Variants in DUSP16 observed in about 807,000 individuals in gnomAD.
DUSP16 encodes dual specificity protein phosphatase 16.
A neutral mutation model predicts 58.3 loss-of-function variants in DUSP16; 21 were observed. The ratio of observed to expected loss-of-function variants is 0.36; its 90% CI spans 0.26 to 0.52. The LOEUF is 0.52. Among genes scored for constraint, DUSP16 ranks in the 20% least tolerant of loss-of-function variants. The pLI is 0.94. For missense variants in DUSP16, 726 were observed against 819.0 expected, an observed-to-expected ratio of 0.89 and a Z score of 1.39; for synonymous variants, 320 against 323.8, an observed-to-expected ratio of 0.99 and a Z score of 0.12.
At chr12:12,506,052 A>C (rs149327622) in intron 3 of DUSP16, 1 of 152,214 alleles carries the variant, frequency 6.6e-6, no homozygotes, top group Admixed American at 6.5e-5. Context: ...CTCTGCTGAC[A>C]TCCTCCTTCA....
At chr12:12,515,375 T>C (rs1223973568) in intron 3 of DUSP16, among the ~76,000 whole-genome samples, 2 of 151,592 alleles carry the variant, frequency 1.3e-5, no homozygotes, top group Non-Finnish European at 2.9e-5. Context: ...TTGCCCAGGC[T>C]GAAGTGCAAT....
In DUSP16 at chr12:12,521,320, A is replaced by C. The variant is rs1944233304; in HGVS notation, c.-222T>G. 7.1e-7 allele frequency: 1 copy of C among 1,411,720 alleles called. No homozygotes were observed. 87.4% of individuals were successfully genotyped at this position (1,411,720 alleles called of 1,614,324 possible). A position where few individuals can be genotyped will look rare whatever the true frequency, so the allele number is the denominator to read the frequency against. On this transcript the variant is annotated 5_prime_UTR_variant, in exon 2 of 7. Transcript: ENST00000298573. ...TGTGCTCTTGCAAAGGACTCCGTCC[A>C]CAAAGCAGCCCCTCACATTTGATTC...
At chr12:12,485,485 A>G (rs1256593632) in intron 5 of DUSP16, 1 of 152,156 alleles carries the variant, frequency 6.6e-6, no homozygotes, top group Non-Finnish European at 1.5e-5. Context: ...ACAGGTGAAA[A>G]TTATAATATG....
At chr12:12,487,214 A>C in intron 4 of DUSP16, 27 bp from the exon 5 acceptor site, 1 of 1,608,810 alleles carries the variant, frequency 6.2e-7, no homozygotes, top group East Asian at 2.2e-5. Context: ...TAGCAGTTAA[A>C]GTGACTAATA....
At chr12:12,535,351 A>T (rs868020253) in intron 1 of DUSP16, among the ~76,000 whole-genome samples, 25 of 152,016 alleles carry the variant, frequency 1.6e-4, no homozygotes, top group Admixed American at 5.2e-4. Flanking sequence ...GGGGAAAAAA[A>T]TTTTTTTTTA....
chr12:12,509,365 T>C (rs1592183383), intron 3 of DUSP16, among the ~76,000 whole-genome samples: 1 of 108,530 alleles, frequency 9.2e-6, no homozygotes, highest in Admixed American at 9.1e-5. Flanking sequence ...GGTCCCAAAA[T>C]TTTTTTACCA....
chr12:12,503,571 A>G (rs923792531), intron 3 of DUSP16, among the ~76,000 whole-genome samples: 1 of 152,032 alleles, frequency 6.6e-6, no homozygotes, highest in African/African-American at 2.4e-5. Flanking sequence ...CTGTTTAGCT[A>G]CACCTCCTTA....
At chr12:12,484,323 G>A (rs78886861) in intron 5 of DUSP16, among the ~76,000 whole-genome samples, 9,693 of 152,168 alleles carry the variant, frequency 0.064, 438 homozygotes, top group East Asian at 0.18. Context: ...TATGTATTTT[G>A]TGTGTATGTG....
At position 12,477,150 on chromosome 12, in the gene DUSP16, T is replaced by C. The variant is rs1329625499; in HGVS notation, c.1681A>G (p.Thr561Ala). Residue 561 changes from threonine (T) to alanine (A), a missense_variant, in exon 7 of 7, where the codon ACA becomes GCA. Thr to Ala is a moderately conservative substitution (Grantham distance 58). Transcript: ENST00000298573. The surrounding 1 kb of genome is among the most constrained non-coding windows in gnomAD (Gnocchi z 4.1). ...GCAGAGTAGAAGTGTGAGGACTCTG[T>C]GGCAAAATACCAGCTGCTGGTCAGG... ...PSLTSSWYFA[T>A]ESSHFYSASA... The C allele has an allele frequency of 6.2e-7, 1 of 1,614,104 alleles. No homozygotes were observed. Among genetic ancestry groups the C allele is most frequent in the East Asian group, 2.2e-5 (1 of 44,874 alleles).
At chr12:12,525,731 T>TACACACACACACACAC (rs35552389) in intron 1 of DUSP16, among the ~76,000 whole-genome samples, 21 of 146,194 alleles carry the variant, frequency 1.4e-4, no homozygotes, top group African/African-American at 2.0e-4. Flanking sequence ...AATATATGTA[T>TACACACACACACACAC]ACACACACAC....
At chr12:12,530,641 G>C (rs868486132) in intron 1 of DUSP16, among the ~76,000 whole-genome samples, 1 of 152,094 alleles carries the variant, frequency 6.6e-6, no homozygotes, top group Non-Finnish European at 1.5e-5. Context: ...AAACTACAAA[G>C]AGAGAAACTG....
intron 1 of DUSP16, among the ~76,000 whole-genome samples, chr12:12,547,434 C>T (rs375023185): frequency 3.2e-5 from 2 of 61,756 alleles, no homozygotes; most frequent in African/African-American, 7.8e-5. Context: ...TCAAAACAAA[C>T]AAAACAAACA....
chr12:12,494,942 G>A (rs887617800), intron 4 of DUSP16, among the ~76,000 whole-genome samples: 5 of 152,010 alleles, frequency 3.3e-5, no homozygotes, highest in African/African-American at 1.2e-4. Context: ...AGTGTGGCAC[G>A]GAATAAAGTA....
At chr12:12,553,994 T>C (rs1180501043) in intron 1 of DUSP16, among the ~76,000 whole-genome samples, 1 of 151,922 alleles carries the variant, frequency 6.6e-6, no homozygotes, top group Admixed American at 6.6e-5. Flanking sequence ...AGTCAGGAGT[T>C]TGAGACCAGC....
chr12:12,546,325 G>A (rs1944640474), intron 1 of DUSP16, among the ~76,000 whole-genome samples: 1 of 152,206 alleles, frequency 6.6e-6, no homozygotes, highest in Admixed American at 6.5e-5. Flanking sequence ...GATGGATGGT[G>A]ATAAGTAGCC....
At chr12:12,560,110 C>G (rs753885782) in intron 1 of DUSP16, among the ~76,000 whole-genome samples, 1 of 152,092 alleles carries the variant, frequency 6.6e-6, no homozygotes, top group Non-Finnish European at 1.5e-5. Context: ...AGGAGCAAAA[C>G]TGGATAATTC....
In DUSP16 at chr12:12,474,301, G is replaced by A. The variant is rs916723992; in HGVS notation, c.*2532C>T. 3 of 152,030 alleles carry A rather than the reference G, an allele frequency of 2.0e-5. No homozygotes were observed. The highest frequency in any genetic ancestry group is 2.9e-5 in the Non-Finnish European group (2 of 68,028). The allele number at this position is 152,030 out of a possible 1,614,324, so 9.4% of individuals were successfully genotyped here. ...TACATGACACATCAAAATGAGAAAT[G>A]CACAGTTTAACCGTTCAACAGCTGG... On this transcript the variant is annotated 3_prime_UTR_variant, in exon 7 of 7. Coordinates refer to ENST00000298573, the MANE Select transcript of DUSP16 (RefSeq NM_030640.3).
chr12:12,507,624 T>C (rs1300991781), intron 3 of DUSP16, among the ~76,000 whole-genome samples: 4 of 152,128 alleles, frequency 2.6e-5, no homozygotes, highest in African/African-American at 9.6e-5. Flanking sequence ...TTGTTGTTTT[T>C]TGGAGATGGA....
intron 3 of DUSP16, among the ~76,000 whole-genome samples, chr12:12,508,231 A>G (rs902966332): frequency 1.3e-5 from 2 of 152,318 alleles, no homozygotes; most frequent in Admixed American, 1.3e-4. Context: ...AGGCAACTTT[A>G]TTCTCTAGAC....
Sources: allele counts gnomAD v4.1 joint callset (sites outside exome capture counted in the v4.1 genomes callset), GRCh38; gene constraint gnomAD v4.1.1; non-coding constraint Gnocchi (gnomAD v3.1); transcripts MANE v1.5; gene names NCBI Gene and HGNC (gene_info 2026-07-23, HGNC 2026-07-21).